The following MERTK variants were observed in gnomAD, a reference collection of about 807,000 sequenced individuals.
MERTK encodes MER proto-oncogene, tyrosine kinase, also known as tyrosine-protein kinase Mer.
MERTK carries 69 observed loss-of-function variants against 99.3 expected under a neutral mutation model. The observed-to-expected ratio is 0.70, with a 90% CI of 0.57 to 0.85. MERTK has a LOEUF of 0.85. Among genes scored for constraint, MERTK ranks in the 40% least tolerant of loss-of-function variants. The pLI is 0.00. For missense variants in MERTK, 1,125 were observed against 1,249.4 expected (o/e 0.90, Z 1.50); for synonymous variants, 426 against 467.6 (o/e 0.91, Z 1.15).
intron 11 of MERTK, 78 bp downstream of exon 11, chr2:112,001,364 A>G (rs1334555906): frequency 1.7e-6 from 2 of 1,153,614 alleles, no homozygotes; most frequent in Non-Finnish European, 2.6e-6. Context: ...ACAGATTTCT[A>G]ACAAAAGCCA....
At chr2:111,930,157 C>G (rs1684644278) in intron 2 of MERTK, 1 of 152,508 alleles carries the variant, frequency 6.6e-6, no homozygotes, top group Non-Finnish European at 1.5e-5. Context: ...TGAGTGGGAA[C>G]AGTGTTTCTT....
intron 2 of MERTK, among the ~76,000 whole-genome samples, chr2:111,935,357 A>G (rs981202986): frequency 2.0e-5 from 3 of 152,184 alleles, no homozygotes; most frequent in Non-Finnish European, 2.9e-5. Context: ...CGGCAGCGCT[A>G]AGGTACTGTT....
chr2:111,989,667 C>G (rs1676570154), intron 8 of MERTK, among the ~76,000 whole-genome samples: 1 of 152,152 alleles, frequency 6.6e-6, no homozygotes, highest in South Asian at 2.1e-4. Context: ...GTTGTGAATT[C>G]TTATAAAGTA....
At chr2:111,929,975 A>G (rs1216352844) in intron 2 of MERTK, among the ~76,000 whole-genome samples, 1 of 152,180 alleles carries the variant, frequency 6.6e-6, no homozygotes. Context: ...TATTTAAGCA[A>G]ACCACTGGTC....
At chr2:111,927,851 A>G (rs1181018091) in intron 1 of MERTK, among the ~76,000 whole-genome samples, 3 of 152,162 alleles carry the variant, frequency 2.0e-5, no homozygotes, top group Non-Finnish European at 4.4e-5. Flanking sequence ...TTGAGCAAGG[A>G]TGGAGCCCCC....
chr2:111,980,605 A>G (rs1309548317), intron 7 of MERTK, among the ~76,000 whole-genome samples: 2 of 151,854 alleles, frequency 1.3e-5, no homozygotes, highest in African/African-American at 4.8e-5. Flanking sequence ...TTTTTAGTAG[A>G]GACGGGGTTT....
At chr2:111,907,026 T>G (rs1195920319) in intron 1 of MERTK, among the ~76,000 whole-genome samples, 1 of 151,834 alleles carries the variant, frequency 6.6e-6, no homozygotes, top group African/African-American at 2.4e-5. Flanking sequence ...TCAGCCTGAG[T>G]TTGACCCTCA....
chr2:111,928,990 A>T (rs577264443), intron 1 of MERTK, 130 bp from the exon 2 acceptor site: 2 of 884,234 alleles, frequency 2.3e-6, no homozygotes, highest in East Asian at 2.6e-5. Context: ...GTGTTAATGA[A>T]TTCTGCTTAT....
chr2:111,935,339 G>A (rs1047230467), intron 2 of MERTK, among the ~76,000 whole-genome samples: 5 of 152,162 alleles, frequency 3.3e-5, no homozygotes, highest in Non-Finnish European at 7.3e-5. Context: ...CAAATCAAAC[G>A]TCAGGTGCGG....
chr2:111,917,883 T>TA (rs11443176), intron 1 of MERTK, among the ~76,000 whole-genome samples: 96,854 of 141,582 alleles, frequency 0.68, 33,349 homozygotes, highest in East Asian at 0.85. Flanking sequence ...GACTCTGTCT[T>TA]AAAAAAAAAA....
chr2:111,939,487 A>G (rs748682132), intron 2 of MERTK, among the ~76,000 whole-genome samples: 3 of 151,544 alleles, frequency 2.0e-5, no homozygotes, highest in Non-Finnish European at 2.9e-5. Flanking sequence ...TTAATTAATT[A>G]ATTAATTAAT....
intron 4 of MERTK, among the ~76,000 whole-genome samples, chr2:111,964,398 T>TGTGTGC (rs771063715): frequency 4.9e-4 from 40 of 81,068 alleles, no homozygotes; most frequent in Non-Finnish European, 9.7e-4. Context: ...TGTGTGTGTG[T>TGTGTGC]GCGCGCGCGC....
chr2:111,978,092 A>T (rs1012368700), intron 7 of MERTK, among the ~76,000 whole-genome samples: 1 of 148,946 alleles, frequency 6.7e-6, no homozygotes, highest in African/African-American at 2.5e-5. Context: ...CTACAGGTGC[A>T]TGCCACCACA....
At chr2:111,937,474 T>G (rs1193099101) in intron 2 of MERTK, among the ~76,000 whole-genome samples, 5 of 152,050 alleles carry the variant, frequency 3.3e-5, no homozygotes, top group Middle Eastern at 3.4e-3. Context: ...AAGTGGGTAG[T>G]TTGCGTCTCC....
At chr2:111,943,771 T>C (rs1028440895) in intron 2 of MERTK, among the ~76,000 whole-genome samples, 19 of 152,176 alleles carry the variant, frequency 1.2e-4, no homozygotes, top group Non-Finnish European at 2.6e-4. Flanking sequence ...TTTATAGTCA[T>C]TGCAGTCCTG....
chr2:111,984,326 A>G (rs1450234064), intron 8 of MERTK, among the ~76,000 whole-genome samples: 6 of 152,194 alleles, frequency 3.9e-5, no homozygotes, highest in Admixed American at 2.6e-4. Flanking sequence ...AAACACCTTC[A>G]CAGACACACC....
chr2:111,979,700 A>G (rs1676327376), intron 7 of MERTK, among the ~76,000 whole-genome samples: 2 of 151,846 alleles, frequency 1.3e-5, no homozygotes, highest in Admixed American at 6.6e-5. Context: ...TTATCTTCCA[A>G]TTCTTCTATT....
chr2:111,993,332 C>G (rs952959534), intron 8 of MERTK, among the ~76,000 whole-genome samples: 1 of 152,162 alleles, frequency 6.6e-6, no homozygotes, highest in Admixed American at 6.5e-5. Flanking sequence ...AGGAAAGTGA[C>G]TGGCTTGAGA....
At chr2:111,975,892 A>G (rs903901729) in intron 7 of MERTK, among the ~76,000 whole-genome samples, 2 of 152,014 alleles carry the variant, frequency 1.3e-5, no homozygotes, top group Non-Finnish European at 2.9e-5. Context: ...CTGACACTAC[A>G]TGGAGATAGC....
Sources: allele counts gnomAD v4.1 joint callset (sites outside exome capture counted in the v4.1 genomes callset), GRCh38; gene constraint gnomAD v4.1.1; transcripts MANE v1.5; gene names NCBI Gene and HGNC (gene_info 2026-07-23, HGNC 2026-07-21).